The following CPSF3 variants were observed in gnomAD, a reference collection of about 807,000 sequenced individuals.
CPSF3 encodes the protein cleavage and polyadenylation specific factor 3.
Under a neutral mutation model 84.1 loss-of-function variants are expected in CPSF3, and 57 were observed. The ratio of observed to expected loss-of-function variants is 0.68; its 90% CI spans 0.55 to 0.85. The LOEUF (loss-of-function observed/expected upper bound fraction) is 0.85, where lower values mean the gene tolerates loss of function less well. Ranked by LOEUF, CPSF3 falls within the 40% of genes least tolerant of loss-of-function variation. The pLI is 0.00. For synonymous variants in CPSF3, 275 were observed against 278.1 expected (o/e 0.99, Z 0.11); for missense variants, 522 against 838.8 (o/e 0.62, Z 4.66).
At chr2:9,449,380 C>A (rs1016165810) in intron 11 of CPSF3, among the ~76,000 whole-genome samples, 5 of 152,002 alleles carry the variant, frequency 3.3e-5, no homozygotes, top group African/African-American at 9.7e-5. Context: ...GAGCTGCGAT[C>A]GCGCCAATGC....
chr2:9,457,154 T>A, intron 14 of CPSF3, 127 bp downstream of exon 14: 1 of 392,550 alleles, frequency 2.5e-6, no homozygotes, highest in South Asian at 6.1e-5. Flanking sequence ...TATATGTGTG[T>A]GTGTGTGTGT....
intron 1 of CPSF3, among the ~76,000 whole-genome samples, chr2:9,426,627 G>T (rs774180088): frequency 6.6e-6 from 1 of 152,174 alleles, no homozygotes; most frequent in Non-Finnish European, 1.5e-5. Flanking sequence ...TAAAGGGTAG[G>T]CAGAGGTGGC....
intron 17 of CPSF3, among the ~76,000 whole-genome samples, chr2:9,472,097 T>C (rs1037430627): frequency 6.6e-6 from 1 of 150,690 alleles, no homozygotes; most frequent in African/African-American, 2.4e-5. Flanking sequence ...GTGGATCATC[T>C]GAGGTCAAGA....
At chr2:9,472,768 T>C in intron 17 of CPSF3, 148 bp from the exon 18 acceptor site, 1 of 670,948 alleles carries the variant, frequency 1.5e-6, no homozygotes, top group Non-Finnish European at 2.7e-6. Context: ...TCCTCCCACC[T>C]CAGACTCTTA....
chr2:9,470,372 G>T (rs1288815857), intron 16 of CPSF3, among the ~76,000 whole-genome samples: 2 of 152,216 alleles, frequency 1.3e-5, no homozygotes, highest in Non-Finnish European at 2.9e-5. Context: ...TGTTGTCAGT[G>T]CTTAACTGTC....
intron 16 of CPSF3, among the ~76,000 whole-genome samples, chr2:9,471,139 G>A (rs1324613608): frequency 1.3e-5 from 2 of 152,064 alleles, no homozygotes; most frequent in Non-Finnish European, 1.5e-5. Flanking sequence ...ACTTGAATCC[G>A]GGAGGCGGAG....
intron 13 of CPSF3, among the ~76,000 whole-genome samples, chr2:9,456,273 ACAT>A (rs1208442036): frequency 2.0e-5 from 3 of 152,232 alleles, no homozygotes; most frequent in Non-Finnish European, 4.4e-5. Context: ...TTGTATATTA[ACAT>A]CATGAGGGGC....
rs565381166 is a variant in CPSF3, at chr2:9,458,841, G to A, written c.1699-690G>A. On this transcript the variant is annotated intron_variant, in intron 14 of 17. Coordinates refer to ENST00000238112, the MANE Select transcript of CPSF3 (RefSeq NM_016207.4). The stretch of plus-strand genomic sequence containing the variant: ...AAATATTACCCTCTTGGCCGGGCGC[G>A]GTGGCTCATGCCTGTAATCCCAGCA... Among the ~76,000 whole-genome samples, 7 of 152,096 alleles carry A rather than the reference G, an allele frequency of 4.6e-5. No individual in the cohort carries two copies. The East Asian group carries it at 7.7e-4, about 17-fold the overall frequency.
rs761040737 is a variant in CPSF3 at position 9,432,541 on chromosome 2, C to T, written c.372C>T (p.Thr124=). 3.2e-5 allele frequency: 49 copies of T among 1,547,476 alleles called. No individual in the cohort carries two copies. The highest frequency in any genetic ancestry group is 3.8e-5 in the Non-Finnish European group (43 of 1,132,754). Residue 124 remains threonine, a synonymous_variant, in exon 5 of 18, where the codon ACC becomes ACT. Coordinates refer to ENST00000238112, the MANE Select transcript of CPSF3 (RefSeq NM_016207.4). Reference sequence around the variant, plus strand: ...TATCAGCAGACGACATGCTGTATACCGAGACAGATTTGGAAGAAAGCATGG... The same window carrying T: ...TATCAGCAGACGACATGCTGTATACTGAGACAGATTTGGAAGAAAGCATGG... ...SNISADDMLY[T]ETDLEESMDK...
intron 10 of CPSF3, 59 bp downstream of exon 10, chr2:9,443,720 CTG>C (rs1681031191): frequency 6.3e-7 from 1 of 1,579,706 alleles, no homozygotes; most frequent in South Asian, 1.1e-5. Context: ...ACCCAGGAAA[CTG>C]TGCAGCAGGC....
chr2:9,431,530 T>TA (rs59295636), intron 4 of CPSF3, among the ~76,000 whole-genome samples: 31,272 of 126,394 alleles, frequency 0.25, 4,283 homozygotes, highest in Middle Eastern at 0.34. Context: ...AATATACATA[T>TA]TTTTTTTTTC....
At chr2:9,453,096 C>A in intron 12 of CPSF3, 75 bp downstream of exon 12, 2 of 887,272 alleles carry the variant, frequency 2.3e-6, no homozygotes, top group South Asian at 1.8e-5. Flanking sequence ...TTCTCTTCAC[C>A]TTGTGGCCTA....
intron 12 of CPSF3, among the ~76,000 whole-genome samples, chr2:9,454,029 A>G (rs1208503653): frequency 1.3e-5 from 2 of 152,208 alleles, no homozygotes; most frequent in African/African-American, 4.8e-5. Flanking sequence ...TCATTTTCCA[A>G]TGAATATGGT....
At chr2:9,428,481 A>G (rs554276831) in intron 1 of CPSF3, among the ~76,000 whole-genome samples, 84 of 152,344 alleles carry the variant, frequency 5.5e-4, no homozygotes, top group African/African-American at 2.0e-3. Flanking sequence ...TTGAATTTAA[A>G]TCAAGCCCAA....
rs1680526186 is a variant in CPSF3, at chr2:9,430,029, T to A, written c.212+9T>A. 1 of 1,444,652 alleles carries A rather than the reference T, an allele frequency of 6.9e-7. No homozygotes were observed. Among genetic ancestry groups the A allele is most frequent in the Non-Finnish European group, 9.4e-7 (1 of 1,058,762 alleles). 89.5% of individuals were successfully genotyped at this position (1,444,652 alleles called of 1,614,324 possible). On this transcript the variant is annotated intron_variant, in intron 3 of 17. Coordinates refer to ENST00000238112, the MANE Select transcript of CPSF3 (RefSeq NM_016207.4). The stretch of plus-strand genomic sequence containing the variant: ...CTCCTATTAATTAGTCAGTAAGTTT[T>A]TCCCTTTATTAATGACACTTTTTCA...
At chr2:9,426,232 G>C (rs1366841189) in intron 1 of CPSF3, among the ~76,000 whole-genome samples, 1 of 152,216 alleles carries the variant, frequency 6.6e-6, no homozygotes, top group East Asian at 1.9e-4. Flanking sequence ...GTTGTATTAA[G>C]ATAACTGATG....
Position 9,439,093 on chromosome 2 carries a change from C to G in CPSF3, c.761-1398C>G, listed in dbSNP as rs74660793. 7.1e-4 allele frequency among the ~76,000 whole-genome samples: 108 copies of G among 152,200 alleles called. 1 individual carries two copies. The East Asian group carries it at 0.019, about 26-fold the overall frequency. ...AGTAATAAATCATGAATGGGATAAACTAGAAGACAAAGCAGGAAATTTGTA... is the reference window on the plus strand; with the variant it reads ...AGTAATAAATCATGAATGGGATAAAGTAGAAGACAAAGCAGGAAATTTGTA... On this transcript the variant is annotated intron_variant, in intron 7 of 17. Transcript: ENST00000238112.
At chr2:9,432,262 T>G (rs1253403960) in intron 4 of CPSF3, among the ~76,000 whole-genome samples, 1 of 152,132 alleles carries the variant, frequency 6.6e-6, no homozygotes, top group Non-Finnish European at 1.5e-5. Context: ...TTATTGAAAA[T>G]TGAGAGTACT....
chr2:9,432,470 C>G, intron 4 of CPSF3, 41 bp from the exon 5 acceptor site: 1 of 1,380,906 alleles, frequency 7.2e-7, no homozygotes, highest in Non-Finnish European at 9.6e-7. Context: ...TTTAAAAAAT[C>G]TGACTCTTAA....
Sources: gnomAD v4.1 joint callset for allele counts (sites outside exome capture counted in the v4.1 genomes callset) on GRCh38, gnomAD v4.1.1 for gene constraint, MANE v1.5 for transcripts, NCBI Gene and HGNC (gene_info 2026-07-23, HGNC 2026-07-21) for gene names.